Variants in XKR6 observed in about 807,000 individuals in gnomAD.
The protein encoded by XKR6 is XK-related protein 6.
A neutral mutation model predicts 56.7 loss-of-function variants in XKR6; 22 were observed. That is an observed-to-expected ratio of 0.39 (90% confidence interval 0.28 to 0.55). The LOEUF is 0.55. Ranked by LOEUF, XKR6 falls within the 20% of genes least tolerant of loss-of-function variation. The probability of loss-of-function intolerance (pLI) is 0.66; values close to 1 mark genes in which losing one functional copy is unlikely to be tolerated. For missense variants in XKR6, 852 were observed against 889.0 expected, an observed-to-expected ratio of 0.96 and a Z score of 0.53; for synonymous variants, 524 against 387.8, an observed-to-expected ratio of 1.35 and a Z score of -4.13.
chr8:11,091,922 G>T (rs1798085106), intron 1 of XKR6, among the ~76,000 whole-genome samples: 1 of 152,158 alleles, frequency 6.6e-6, no homozygotes, highest in East Asian at 1.9e-4. Flanking sequence ...TTTGCTGAAT[G>T]AATGAAAAGC....
At chr8:11,079,819 T>C (rs2129169550) in intron 1 of XKR6, among the ~76,000 whole-genome samples, 1 of 152,122 alleles carries the variant, frequency 6.6e-6, no homozygotes, top group East Asian at 1.9e-4. Flanking sequence ...TTTTAAAAAA[T>C]TAGCTGGCAT....
At chr8:11,115,777 A>C (rs747734855) in intron 1 of XKR6, among the ~76,000 whole-genome samples, 1 of 152,230 alleles carries the variant, frequency 6.6e-6, no homozygotes, top group Non-Finnish European at 1.5e-5. Context: ...ATCATCACCA[A>C]GGCCTGATTT....
intron 1 of XKR6, among the ~76,000 whole-genome samples, chr8:11,014,556 C>A (rs775273901): frequency 5.3e-5 from 8 of 152,202 alleles, no homozygotes; most frequent in Non-Finnish European, 2.9e-5. Context: ...GTTCCCCCAA[C>A]AGCTTTTCAG....
chr8:11,044,412 G>A (rs1799357528), intron 1 of XKR6, among the ~76,000 whole-genome samples: 1 of 152,168 alleles, frequency 6.6e-6, no homozygotes, highest in Non-Finnish European at 1.5e-5. Context: ...TTTTCAACCA[G>A]TGGTTGCACT....
At chr8:10,919,910 A>C (rs892506078) in intron 2 of XKR6, among the ~76,000 whole-genome samples, 1 of 152,200 alleles carries the variant, frequency 6.6e-6, no homozygotes, top group African/African-American at 2.4e-5. Flanking sequence ...GAAATGTCCA[A>C]ATGACTCCAG....
intron 1 of XKR6, among the ~76,000 whole-genome samples, chr8:10,989,813 A>C (rs1377798098): frequency 6.6e-6 from 1 of 152,248 alleles, no homozygotes; most frequent in Non-Finnish European, 1.5e-5. Flanking sequence ...ATTAGGAAGA[A>C]GTGCCACCTT....
chr8:11,063,734 T>C (rs995287398), intron 1 of XKR6, among the ~76,000 whole-genome samples: 10 of 152,148 alleles, frequency 6.6e-5, no homozygotes, highest in African/African-American at 2.4e-4. Flanking sequence ...GTTCTAAGAA[T>C]TCCTGATACG....
At chr8:11,144,803 C>A (rs974078689) in intron 1 of XKR6, among the ~76,000 whole-genome samples, 9 of 151,642 alleles carry the variant, frequency 5.9e-5, no homozygotes, top group African/African-American at 2.2e-4. Context: ...CAGAGCCCTG[C>A]CTTGTTCACA....
intron 1 of XKR6, among the ~76,000 whole-genome samples, chr8:11,041,523 T>C (rs1180895931): frequency 6.6e-6 from 1 of 150,876 alleles, no homozygotes; most frequent in Admixed American, 6.6e-5. Context: ...GCCACTGCCC[T>C]CCAGCCTTGG....
At chr8:11,058,856 A>T (rs190835346) in intron 1 of XKR6, among the ~76,000 whole-genome samples, 371 of 152,302 alleles carry the variant, frequency 2.4e-3, no homozygotes, top group African/African-American at 8.3e-3. Context: ...TAAAATTTTT[A>T]AAAAAAGAAA....
intron 1 of XKR6, among the ~76,000 whole-genome samples, chr8:10,952,935 G>C (rs973671149): frequency 3.3e-5 from 5 of 152,142 alleles, no homozygotes; most frequent in Non-Finnish European, 7.3e-5. Flanking sequence ...ATTCCCACAG[G>C]ACTGTAAACC....
At chr8:11,148,733 A>G in intron 1 of XKR6, among the ~76,000 whole-genome samples, 1 of 152,234 alleles carries the variant, frequency 6.6e-6, no homozygotes, top group Non-Finnish European at 1.5e-5. Flanking sequence ...ACAAATGTTC[A>G]CATCATGTTT....
intron 1 of XKR6, among the ~76,000 whole-genome samples, chr8:10,939,559 C>G (rs1801328465): frequency 6.6e-6 from 1 of 152,248 alleles, no homozygotes. Flanking sequence ...CAATCTCTAG[C>G]TCTCACCCCT....
chr8:10,987,888 T>C (rs557224572), intron 1 of XKR6, among the ~76,000 whole-genome samples: 3 of 152,328 alleles, frequency 2.0e-5, no homozygotes, highest in African/African-American at 7.2e-5. Context: ...GGCTACTGTC[T>C]CACAGCACCT....
At chr8:11,094,200 CT>C (rs1033736830) in intron 1 of XKR6, among the ~76,000 whole-genome samples, 14 of 151,620 alleles carry the variant, frequency 9.2e-5, no homozygotes, top group Admixed American at 8.5e-4. Flanking sequence ...AGCCCACAAA[CT>C]TACAAAGGAG....
intron 1 of XKR6, among the ~76,000 whole-genome samples, chr8:11,006,091 G>A (rs55895510): frequency 0.039 from 5,922 of 152,110 alleles, 339 homozygotes; most frequent in African/African-American, 0.12. Context: ...TGATCCGCCC[G>A]CCTCGGCCTC....
chr8:11,028,446 A>T (rs1337777537), intron 1 of XKR6, among the ~76,000 whole-genome samples: 2 of 152,240 alleles, frequency 1.3e-5, no homozygotes, highest in South Asian at 2.1e-4. Flanking sequence ...ATAATTTTCA[A>T]TTCCTTTGGG....
intron 1 of XKR6, among the ~76,000 whole-genome samples, chr8:10,978,751 C>T (rs982244168): frequency 2.0e-5 from 3 of 152,224 alleles, no homozygotes; most frequent in Admixed American, 6.5e-5. Flanking sequence ...ACCCCAGTCT[C>T]CCTCCCTGGC....
At chr8:11,018,140 C>T (rs1228327229) in intron 1 of XKR6, among the ~76,000 whole-genome samples, 1 of 152,258 alleles carries the variant, frequency 6.6e-6, no homozygotes, top group East Asian at 1.9e-4. Flanking sequence ...AGCAGCCCCT[C>T]CCTCTGTCTG....
Sources: gnomAD v4.1 joint callset for allele counts (sites outside exome capture counted in the v4.1 genomes callset) on GRCh38, gnomAD v4.1.1 for gene constraint, MANE v1.5 for transcripts, NCBI Gene and HGNC (gene_info 2026-07-23, HGNC 2026-07-21) for gene names.